The following MALRD1 variants were observed in gnomAD, a reference collection of about 807,000 sequenced individuals.
MALRD1 encodes the protein MAM and LDL receptor class A domain containing 1.
A neutral mutation model predicts 242.1 loss-of-function variants in MALRD1; 247 were observed. The observed-to-expected ratio is 1.02, with a 90% CI of 0.92 to 1.13. MALRD1 has a LOEUF of 1.13. MALRD1 is among the 50% of genes most tolerant of loss of function. The probability of loss-of-function intolerance (pLI) is 0.00; values close to 1 mark genes in which losing one functional copy is unlikely to be tolerated. For missense variants in MALRD1, 2,989 were observed against 2,533.1 expected (o/e 1.18, Z -3.86); for synonymous variants, 995 against 866.6 (o/e 1.15, Z -2.60).
chr10:19,497,196 C>T (rs11010181), intron 30 of MALRD1, among the ~76,000 whole-genome samples: 1 of 151,926 alleles, frequency 6.6e-6, no homozygotes, highest in African/African-American at 2.4e-5. Flanking sequence ...TGATGACTGT[C>T]TTTTATGTCC....
chr10:19,448,076 A>G (rs1182457966), intron 28 of MALRD1, among the ~76,000 whole-genome samples: 7 of 152,196 alleles, frequency 4.6e-5, no homozygotes, highest in Non-Finnish European at 1.0e-4. Flanking sequence ...AAACATCTTC[A>G]TCTACCTCAG....
chr10:19,586,644 A>T (rs1460436238), intron 33 of MALRD1, among the ~76,000 whole-genome samples: 1 of 152,168 alleles, frequency 6.6e-6, no homozygotes, highest in Non-Finnish European at 1.5e-5. Context: ...TCAGACAGGG[A>T]CATTTAAGTT....
chr10:19,121,411 A>G (rs933055796), intron 5 of MALRD1, among the ~76,000 whole-genome samples: 16 of 152,228 alleles, frequency 1.1e-4, no homozygotes, highest in Admixed American at 7.9e-4. Context: ...TCTCAATTAA[A>G]AAAACTGTTA....
At chr10:19,267,956 A>C (rs2131838415) in intron 19 of MALRD1, among the ~76,000 whole-genome samples, 1 of 152,310 alleles carries the variant, frequency 6.6e-6, no homozygotes, top group East Asian at 1.9e-4. Context: ...TTCAATTAAC[A>C]GTTTTATTGT....
At position 19,504,977 on chromosome 10, in the gene MALRD1, C is replaced by T. The variant is rs924725487; in HGVS notation, c.5320+6331C>T. Reference sequence around the variant, plus strand: ...GATTACAGGCGTGAGCCACCGCGCCCGGCCTGTAACACATTTTTTAAAGAT... The same window carrying T: ...GATTACAGGCGTGAGCCACCGCGCCTGGCCTGTAACACATTTTTTAAAGAT... On this transcript the variant is annotated intron_variant, in intron 31 of 39. Coordinates refer to ENST00000454679, the MANE Select transcript of MALRD1 (RefSeq NM_001142308.3). Among the ~76,000 whole-genome samples the T allele has an allele frequency of 1.9e-4, 29 of 152,148 alleles. 1 individual carries two copies. Among genetic ancestry groups the T allele is most frequent in the Admixed American group, 1.6e-3 (24 of 15,284 alleles).
intron 36 of MALRD1, among the ~76,000 whole-genome samples, chr10:19,619,436 A>C (rs11010711): frequency 0.12 from 17,951 of 152,010 alleles, 2,798 homozygotes; most frequent in African/African-American, 0.36. Flanking sequence ...AAATTCTGTT[A>C]TTTATGATGA....
Position 19,387,623 on chromosome 10 carries a change from G to A in MALRD1, c.4537G>A (p.Asp1513Asn). 1 of 1,550,400 alleles carries A rather than the reference G, an allele frequency of 6.4e-7. No homozygotes were observed. The highest frequency in any genetic ancestry group is 8.7e-7 in the Non-Finnish European group (1 of 1,146,876). Residue 1513 changes from aspartate (D) to asparagine (N), a missense_variant, in exon 27 of 40, where the codon GAT (aspartate) becomes AAT (asparagine). By Grantham distance (23) the Asp-to-Asn change is conservative. Coordinates refer to ENST00000454679, the MANE Select transcript of MALRD1 (RefSeq NM_001142308.3). The part of the protein sequence containing the change: ...NFVDNCGDNT[D>N]ENECGSSCTF... ...CGTAGATAACTGTGGAGATAATACT[G>A]ATGAAAATGAGTGTGGTAGCTCCTG...
chr10:19,282,262 C>T (rs1840854531), intron 20 of MALRD1, among the ~76,000 whole-genome samples: 2 of 152,110 alleles, frequency 1.3e-5, no homozygotes, highest in Admixed American at 6.6e-5. Context: ...ACTGAAAACA[C>T]TTTTTTAAAT....
intron 28 of MALRD1, among the ~76,000 whole-genome samples, chr10:19,392,041 G>A (rs577319842): frequency 3.8e-4 from 58 of 152,268 alleles, no homozygotes; most frequent in Admixed American, 5.9e-4. Flanking sequence ...ACATGGAATC[G>A]GATTTAAAAG....
At chr10:19,214,375 G>T (rs1168444982) in intron 18 of MALRD1, among the ~76,000 whole-genome samples, 1 of 152,118 alleles carries the variant, frequency 6.6e-6, no homozygotes, top group Admixed American at 6.6e-5. Context: ...ATACATTTTG[G>T]CCATTTTTTT....
At chr10:19,298,829 G>C (rs1481328276) in intron 21 of MALRD1, among the ~76,000 whole-genome samples, 1 of 151,922 alleles carries the variant, frequency 6.6e-6, no homozygotes, top group Admixed American at 6.6e-5. Context: ...TTTGCTGGGA[G>C]ACATTTTGCT....
In MALRD1 at chr10:19,136,558, C is replaced by G; in HGVS notation, c.1204-16C>G. 2.5e-6 allele frequency: 3 copies of G among 1,215,444 alleles called. No individual in the cohort carries two copies. Among genetic ancestry groups the G allele is most frequent in the Non-Finnish European group, 3.1e-6 (3 of 973,160 alleles). 75.3% of individuals were successfully genotyped at this position (1,215,444 alleles called of 1,614,324 possible). On this transcript the variant is annotated splice_polypyrimidine_tract_variant and intron_variant, in intron 9 of 39. Coordinates refer to ENST00000454679, the MANE Select transcript of MALRD1 (RefSeq NM_001142308.3). ...GGAGATTGCAAACTCATAAATTAAT[C>G]TTTTCCTTCCTAAAGATTATTTTTG... is the stretch of plus-strand genomic sequence containing the variant.
intron 30 of MALRD1, among the ~76,000 whole-genome samples, chr10:19,496,214 A>G (rs1837715244): frequency 6.6e-6 from 1 of 152,156 alleles, no homozygotes; most frequent in Non-Finnish European, 1.5e-5. Context: ...CACTTGACCA[A>G]TGGACCTAAT....
At chr10:19,729,393 C>T (rs956370278) in intron 38 of MALRD1, among the ~76,000 whole-genome samples, 5 of 152,158 alleles carry the variant, frequency 3.3e-5, no homozygotes, top group African/African-American at 4.8e-5. Context: ...AAAAAATATA[C>T]ATTATACATA....
At chr10:19,270,807 A>AACAC (rs71387059) in intron 19 of MALRD1, among the ~76,000 whole-genome samples, 25,373 of 144,884 alleles carry the variant, frequency 0.18, 2,259 homozygotes, top group Admixed American at 0.25. Flanking sequence ...TTCAAAGGAT[A>AACAC]ACACACACAC....
intron 14 of MALRD1, among the ~76,000 whole-genome samples, chr10:19,180,458 A>G (rs1835457559): frequency 6.6e-6 from 1 of 152,230 alleles, no homozygotes; most frequent in Admixed American, 6.5e-5. Context: ...CACCAAGAGG[A>G]CACAGTAGGG....
chr10:19,585,511 C>G (rs1205297756), intron 33 of MALRD1, among the ~76,000 whole-genome samples: 1 of 152,078 alleles, frequency 6.6e-6, no homozygotes, highest in African/African-American at 2.4e-5. Context: ...ATATGAAATT[C>G]TGGGTTGAAA....
chr10:19,500,246 G>A (rs1275272155), intron 31 of MALRD1, among the ~76,000 whole-genome samples: 3 of 152,092 alleles, frequency 2.0e-5, no homozygotes, highest in Middle Eastern at 3.2e-3. Context: ...GACTTGCCAC[G>A]TTGTAGCTCC....
intron 18 of MALRD1, among the ~76,000 whole-genome samples, chr10:19,211,262 A>G (rs1277242435): frequency 6.6e-6 from 1 of 152,112 alleles, no homozygotes. Context: ...TTTGAGACCC[A>G]TGTTGGGTTA....
Sources: gnomAD v4.1 joint callset for allele counts (sites outside exome capture counted in the v4.1 genomes callset) on GRCh38, gnomAD v4.1.1 for gene constraint, MANE v1.5 for transcripts, NCBI Gene and HGNC (gene_info 2026-07-23, HGNC 2026-07-21) for gene names.